The following UBASH3B variants were observed in gnomAD, a reference collection of about 807,000 sequenced individuals.
UBASH3B encodes the protein ubiquitin associated and SH3 domain containing B.
In UBASH3B, 37 loss-of-function variants were observed where a neutral mutation model predicts 83.4. That is an observed-to-expected ratio of 0.44 (90% confidence interval 0.34 to 0.58). UBASH3B has a LOEUF of 0.58. Ranked by LOEUF, UBASH3B falls within the 20% of genes least tolerant of loss-of-function variation. UBASH3B has a pLI of 0.01. For missense variants in UBASH3B, 657 were observed against 827.2 expected (o/e 0.79, Z 2.52); for synonymous variants, 304 against 318.3 (o/e 0.96, Z 0.48).
intron 1 of UBASH3B, among the ~76,000 whole-genome samples, chr11:122,718,468 G>A (rs140032569): frequency 1.9e-3 from 296 of 152,230 alleles, no homozygotes; most frequent in African/African-American, 6.7e-3. Flanking sequence ...ATCTCCAGCC[G>A]TGTGACCTTG....
intron 1 of UBASH3B, among the ~76,000 whole-genome samples, chr11:122,695,254 G>A (rs913616915): frequency 6.6e-6 from 1 of 152,092 alleles, no homozygotes; most frequent in Non-Finnish European, 1.5e-5. Context: ...GTGAGCCACC[G>A]CGCCCGGCCC....
In UBASH3B at chr11:122,813,380, A is replaced by C. The variant is rs901118879; in HGVS notation, c.*3494A>C. 5 of 152,226 alleles carry C rather than the reference A, an allele frequency of 3.3e-5. No homozygotes were observed. Among genetic ancestry groups the C allele is most frequent in the African/African-American group, 1.2e-4 (5 of 41,466 alleles). The allele number at this position is 152,226 out of a possible 1,614,324, so 9.4% of individuals were successfully genotyped here. A position where few individuals can be genotyped will look rare whatever the true frequency, so the allele number is the denominator to read the frequency against. On this transcript the variant is annotated 3_prime_UTR_variant, in exon 14 of 14. Transcript: ENST00000284273. ...TGGAAAGGCTTCCCTATGTGGTAAA[A>C]GAAAGGCATTCCTCCGTAACCTAGG...
chr11:122,809,912 G>A lies in UBASH3B; in HGVS notation c.*26G>A. The A allele has an allele frequency of 6.8e-6, 11 of 1,611,310 alleles. No homozygotes were observed. Among genetic ancestry groups the A allele is most frequent in the African/African-American group, 1.3e-5 (1 of 74,856 alleles). On this transcript the variant is annotated 3_prime_UTR_variant, in exon 14 of 14. Coordinates refer to ENST00000284273, the MANE Select transcript of UBASH3B (RefSeq NM_032873.5). ...ACCACACCAGTGAACAAGAAGGAAA[G>A]GCCTTTTGGAGTGTGTCTTTCTGTG...
In UBASH3B at chr11:122,666,167, C is replaced by T. The variant is rs181207209; in HGVS notation, c.161+9957C>T. The stretch of plus-strand genomic sequence containing the variant: ...TTTCTTTCAGGTTTTGTTGGGTGAA[C>T]CTTCTTGGTGATTCAGGTAGCAGGA... On this transcript the variant is annotated intron_variant, in intron 1 of 13. Transcript: ENST00000284273. 1.8e-3 allele frequency among the ~76,000 whole-genome samples: 279 copies of T among 152,318 alleles called. 1 individual carries two copies. Among genetic ancestry groups the T allele is most frequent in the African/African-American group, 6.3e-3 (260 of 41,570 alleles).
At chr11:122,703,837 G>C (rs1004007460) in intron 1 of UBASH3B, among the ~76,000 whole-genome samples, 1 of 152,232 alleles carries the variant, frequency 6.6e-6, no homozygotes, top group African/African-American at 2.4e-5. Flanking sequence ...CATTTCTCTA[G>C]GGTAGAAGAG....
chr11:122,782,835 G>GTAT (rs1209617801), intron 4 of UBASH3B: 1 of 548,066 alleles, frequency 1.8e-6, no homozygotes, highest in Non-Finnish European at 3.2e-6. Flanking sequence ...GAGGAAAGCC[G>GTAT]TATGGTGGCT....
chr11:122,691,637 C>A (rs1863899042), intron 1 of UBASH3B, among the ~76,000 whole-genome samples: 1 of 152,206 alleles, frequency 6.6e-6, no homozygotes, highest in South Asian at 2.1e-4. Context: ...GATACCAGTT[C>A]ATCTGTTATT....
At chr11:122,657,902 G>T (rs1233811660) in intron 1 of UBASH3B, among the ~76,000 whole-genome samples, 4 of 152,150 alleles carry the variant, frequency 2.6e-5, no homozygotes, top group Non-Finnish European at 5.9e-5. Flanking sequence ...CTTAAAAACT[G>T]GAGGTGGGGC....
At chr11:122,742,611 G>A (rs939441020) in intron 1 of UBASH3B, among the ~76,000 whole-genome samples, 25 of 152,168 alleles carry the variant, frequency 1.6e-4, no homozygotes, top group Non-Finnish European at 2.8e-4. Flanking sequence ...TGGGAGGGCG[G>A]CCTGCCGACA....
At position 122,692,439 on chromosome 11, in the gene UBASH3B, A is replaced by G. The variant is rs989902958; in HGVS notation, c.161+36229A>G. 3.9e-5 allele frequency among the ~76,000 whole-genome samples: 6 copies of G among 152,244 alleles called. 1 individual carries two copies. Among genetic ancestry groups the G allele is most frequent in the Admixed American group, 1.3e-4 (2 of 15,282 alleles). ...TTGGGGACACAAAAACAAGAAGCTC[A>G]TAATTTACCGAATTACAGCAGCATA... On this transcript the variant is annotated intron_variant, in intron 1 of 13. Coordinates refer to ENST00000284273, the MANE Select transcript of UBASH3B (RefSeq NM_032873.5).
chr11:122,806,270 T>A lies in UBASH3B; in HGVS notation c.1596-140T>A. On this transcript the variant is annotated intron_variant, in intron 11 of 13. Coordinates refer to ENST00000284273, the MANE Select transcript of UBASH3B (RefSeq NM_032873.5). The surrounding 1 kb of genome is among the most constrained non-coding windows in gnomAD (Gnocchi z 4.0). ...AGTAGAAATGCTGTTCCCTATACCT[T>A]TCTCCTTTCTAGGGAAATGGATAAA... The A allele has an allele frequency of 1.4e-6, 1 of 695,990 alleles. No individual in the cohort carries two copies. Among genetic ancestry groups the A allele is most frequent in the Non-Finnish European group, 2.4e-6 (1 of 419,530 alleles). 43.1% of individuals were successfully genotyped at this position (695,990 alleles called of 1,614,324 possible). A position where few individuals can be genotyped will look rare whatever the true frequency, so the allele number is the denominator to read the frequency against.
intron 1 of UBASH3B, among the ~76,000 whole-genome samples, chr11:122,722,814 T>C (rs1591786565): frequency 6.6e-6 from 1 of 152,114 alleles, no homozygotes; most frequent in East Asian, 1.9e-4. Flanking sequence ...CATGCCATTC[T>C]CCTGCCTCAG....
chr11:122,783,980 G>A (rs1390182223), intron 5 of UBASH3B, among the ~76,000 whole-genome samples: 1 of 147,634 alleles, frequency 6.8e-6, no homozygotes, highest in Non-Finnish European at 1.5e-5. Context: ...ATTCCTTGTT[G>A]CCCAGGCTGG....
At position 122,741,231 on chromosome 11, in the gene UBASH3B, C is replaced by T. The variant is rs544561679; in HGVS notation, c.162-34988C>T. ...TTCACAGAATAAAATATTCAATTTA[C>T]TCTCAGTTCATAGAATATTTTCATG... On this transcript the variant is annotated intron_variant, in intron 1 of 13. Transcript: ENST00000284273. 1.5e-3 allele frequency among the ~76,000 whole-genome samples: 221 copies of T among 152,258 alleles called. 1 individual carries two copies. Among genetic ancestry groups the T allele is most frequent in the African/African-American group, 5.1e-3 (211 of 41,552 alleles).
intron 1 of UBASH3B, among the ~76,000 whole-genome samples, chr11:122,724,839 C>T (rs1860704135): frequency 6.6e-6 from 1 of 152,042 alleles, no homozygotes; most frequent in African/African-American, 2.4e-5. Flanking sequence ...ATCCTAAGAT[C>T]CTAAGACTCA....
chr11:122,697,306 A>G (rs1380149534), intron 1 of UBASH3B, among the ~76,000 whole-genome samples: 1 of 152,174 alleles, frequency 6.6e-6, no homozygotes. Flanking sequence ...AGAAAACTGA[A>G]GCTCAGAAAT....
At chr11:122,808,620 C>G (rs896266462) in intron 13 of UBASH3B, among the ~76,000 whole-genome samples, 1 of 152,192 alleles carries the variant, frequency 6.6e-6, no homozygotes, top group African/African-American at 2.4e-5. Context: ...AGGAACAAGA[C>G]AGCAAGACAG....
At chr11:122,793,021 G>A (rs1268715244) in intron 6 of UBASH3B, among the ~76,000 whole-genome samples, 1 of 152,134 alleles carries the variant, frequency 6.6e-6, no homozygotes, top group African/African-American at 2.4e-5. Flanking sequence ...GAAAGTGAAG[G>A]AACAAAAATT....
At chr11:122,686,846 C>T (rs1012977690) in intron 1 of UBASH3B, among the ~76,000 whole-genome samples, 4 of 151,774 alleles carry the variant, frequency 2.6e-5, no homozygotes, top group East Asian at 1.9e-4. Context: ...CCCTGTTTTT[C>T]GGTAAGTAAA....
Sources: gnomAD v4.1 joint callset for allele counts (sites outside exome capture counted in the v4.1 genomes callset) on GRCh38, gnomAD v4.1.1 for gene constraint, Gnocchi (gnomAD v3.1) non-coding constraint, MANE v1.5 for transcripts, NCBI Gene and HGNC (gene_info 2026-07-23, HGNC 2026-07-21) for gene names.